The following HDAC4 variants were observed in gnomAD, a reference collection of about 807,000 sequenced individuals.
HDAC4 encodes histone deacetylase A.
A neutral mutation model predicts 135.1 loss-of-function variants in HDAC4; 16 were observed. The observed-to-expected ratio is 0.12, with a 90% CI of 0.08 to 0.18. The LOEUF (loss-of-function observed/expected upper bound fraction) is 0.18, where lower values mean the gene tolerates loss of function less well. Ranked by LOEUF, HDAC4 falls within the 10% of genes least tolerant of loss-of-function variation. HDAC4 has a pLI of 1.00. For synonymous variants in HDAC4, 685 were observed against 653.4 expected (o/e 1.05, Z -0.74); for missense variants, 1,143 against 1,511.8 (o/e 0.76, Z 4.05).
chr2:239,158,753 C>A (rs1031430837), intron 6 of HDAC4, among the ~76,000 whole-genome samples: 24 of 152,064 alleles, frequency 1.6e-4, no homozygotes, highest in African/African-American at 5.8e-4. Flanking sequence ...CAGGAGAGGG[C>A]GGCCCTCACC....
rs1256799738 is a variant in HDAC4 at position 239,139,840 on chromosome 2, G to C, written c.866-44C>G. ...CCTGGTGAGTGTTACTCCATGCGGA[G>C]GGAGGGCCGTGCTGACCTGTGGCCC... On this transcript the variant is annotated intron_variant, in intron 8 of 26. Coordinates refer to ENST00000543185, the MANE Select transcript of HDAC4 (RefSeq NM_001378414.1). This position sits in a 1 kb window ranked among gnomAD's most constrained non-coding sequence, Gnocchi z 5.3. 1 of 1,554,740 alleles carries C rather than the reference G, an allele frequency of 6.4e-7. No homozygotes were observed. Among genetic ancestry groups the C allele is most frequent in the Non-Finnish European group, 8.9e-7 (1 of 1,127,178 alleles).
In HDAC4 at chr2:239,349,796, G is replaced by A. The variant is rs1444944584; in HGVS notation, c.22+2882C>T. ...AGAGGAGGCAGCCAGCAGACTTCAG[G>A]CCCCAGGCAAACCACCTCAGCTGTA... On this transcript the variant is annotated intron_variant, in intron 2 of 26. Coordinates refer to ENST00000543185, the MANE Select transcript of HDAC4 (RefSeq NM_001378414.1). The surrounding 1 kb of genome is among the most constrained non-coding windows in gnomAD (Gnocchi z 5.7). Among the ~76,000 whole-genome samples the A allele has an allele frequency of 6.6e-6, 1 of 152,212 alleles. No homozygotes were observed. The highest frequency in any genetic ancestry group is 2.4e-5 in the African/African-American group (1 of 41,442).
chr2:239,325,919 T>C (rs542462916), intron 2 of HDAC4, among the ~76,000 whole-genome samples: 287 of 152,116 alleles, frequency 1.9e-3, no homozygotes, highest in Middle Eastern at 3.4e-3. Flanking sequence ...GAAGCCGAGA[T>C]TGTACCACTG....
In HDAC4 at chr2:239,107,890, G is replaced by A. The variant is rs1344715833; in HGVS notation, c.2112+160C>T. 2.0e-5 allele frequency among the ~76,000 whole-genome samples: 3 copies of A among 152,328 alleles called. No homozygotes were observed. The highest frequency in any genetic ancestry group is 1.9e-4 in the East Asian group (1 of 5,176). Reference sequence around the variant, plus strand: ...CGGGCTTCTCAGCAGATAGCTGCCCGCCCAAATGCAGACAGTGAAGATGCT... The same window carrying A: ...CGGGCTTCTCAGCAGATAGCTGCCCACCCAAATGCAGACAGTGAAGATGCT... On this transcript the variant is annotated intron_variant, in intron 15 of 26. Coordinates refer to ENST00000543185, the MANE Select transcript of HDAC4 (RefSeq NM_001378414.1).
In HDAC4 at chr2:239,073,990, C is replaced by A. The variant is rs375836601; in HGVS notation, c.2751-5383G>T. Among the ~76,000 whole-genome samples, 46 of 147,594 alleles carry A rather than the reference C, an allele frequency of 3.1e-4. No individual in the cohort carries two copies. The South Asian group carries it at 0.01, about 32-fold the overall frequency. ...AGGGGGGCCGCAGGACTGAGGGGGC[C>A]GCAGGACTGAGGGGGGCAGCAGGAC... On this transcript the variant is annotated intron_variant, in intron 22 of 26. Coordinates refer to ENST00000543185, the MANE Select transcript of HDAC4 (RefSeq NM_001378414.1).
chr2:239,181,834 G>A (rs763549245), intron 4 of HDAC4, among the ~76,000 whole-genome samples: 3 of 152,228 alleles, frequency 2.0e-5, no homozygotes, highest in Non-Finnish European at 2.9e-5. Flanking sequence ...ACACTCAGAA[G>A]AGCTGGTCTG....
At chr2:239,237,211 T>C (rs1484101793) in intron 2 of HDAC4, among the ~76,000 whole-genome samples, 1 of 152,114 alleles carries the variant, frequency 6.6e-6, no homozygotes, top group Non-Finnish European at 1.5e-5. Flanking sequence ...AATCCATTTT[T>C]AGACTGTATT....
At chr2:239,124,336 G>A (rs1161094778) in intron 12 of HDAC4, among the ~76,000 whole-genome samples, 3 of 152,200 alleles carry the variant, frequency 2.0e-5, no homozygotes, top group South Asian at 2.1e-4. Context: ...TGGCTCCCAC[G>A]AGTCTGTGTC....
At chr2:239,111,824 T>G in intron 13 of HDAC4, 112 bp from the exon 14 acceptor site, 1 of 1,005,344 alleles carries the variant, frequency 9.9e-7, no homozygotes, top group South Asian at 1.4e-5. Flanking sequence ...AGGCCATACA[T>G]GGGCCACAAG....
At chr2:239,182,779 C>G (rs1313404708) in intron 4 of HDAC4, among the ~76,000 whole-genome samples, 2 of 152,168 alleles carry the variant, frequency 1.3e-5, no homozygotes, top group Non-Finnish European at 2.9e-5. Context: ...GACCCTCTGC[C>G]CTCGGCATGC....
intron 2 of HDAC4, among the ~76,000 whole-genome samples, chr2:239,337,799 C>T (rs964078456): frequency 2.0e-5 from 3 of 152,164 alleles, no homozygotes; most frequent in African/African-American, 4.8e-5. Flanking sequence ...CAACCGGCTT[C>T]GGCTGAGATC....
intron 2 of HDAC4, among the ~76,000 whole-genome samples, chr2:239,290,720 G>A (rs1015673594): frequency 5.9e-5 from 9 of 151,734 alleles, no homozygotes; most frequent in African/African-American, 1.7e-4. Context: ...ACTCACATAC[G>A]CACTCACGTA....
intron 2 of HDAC4, among the ~76,000 whole-genome samples, chr2:239,260,561 A>G (rs1671919430): frequency 6.6e-6 from 1 of 151,808 alleles, no homozygotes; most frequent in South Asian, 2.1e-4. Context: ...CAATCCCAAC[A>G]CTGTAGCCTC....
At chr2:239,096,486 C>A (rs2037069040) in intron 16 of HDAC4, among the ~76,000 whole-genome samples, 2 of 116,224 alleles carry the variant, frequency 1.7e-5, no homozygotes, top group Admixed American at 8.5e-5. Context: ...GATGCCCGCC[C>A]CCCGCCCCGC....
chr2:239,087,257 GT>G lies in HDAC4; in HGVS notation c.2444+301del, dbSNP rs139501198. 6.8e-3 allele frequency among the ~76,000 whole-genome samples: 1,039 copies of G among 152,332 alleles called. 15 individuals are homozygous for G. The highest frequency in any genetic ancestry group is 0.023 in the African/African-American group (974 of 41,576). ...AGTGACTCACTTGAGGGTGAGTGGTGTTTCCTCTCCCAAGTGTTGACAACTA... is the reference window on the plus strand; with the variant it reads ...AGTGACTCACTTGAGGGTGAGTGGTGTTCCTCTCCCAAGTGTTGACAACTA... On this transcript the variant is annotated intron_variant, in intron 19 of 26. Coordinates refer to ENST00000543185, the MANE Select transcript of HDAC4 (RefSeq NM_001378414.1).
intron 2 of HDAC4, among the ~76,000 whole-genome samples, chr2:239,282,885 C>T (rs1163103653): frequency 6.6e-6 from 1 of 151,724 alleles, no homozygotes; most frequent in African/African-American, 2.4e-5. Flanking sequence ...CATGTACATA[C>T]CACTCTACAA....
chr2:239,365,070 G>A (rs150275532), intron 1 of HDAC4, among the ~76,000 whole-genome samples: 6 of 152,152 alleles, frequency 3.9e-5, no homozygotes, highest in Admixed American at 2.6e-4. Context: ...TTGAATTTAG[G>A]GTAATTAAAA....
chr2:239,375,424 C>T (rs910520352), intron 1 of HDAC4, among the ~76,000 whole-genome samples: 5 of 152,070 alleles, frequency 3.3e-5, no homozygotes, highest in Non-Finnish European at 5.9e-5. Flanking sequence ...TGGTGGCCCA[C>T]GGCCAGCCCA....
Position 239,115,144 on chromosome 2 carries a change from G to A in HDAC4, c.1700C>T (p.Pro567Leu). ...AQAGVQVKQE[P>L]IESDEEEAEP... ...TGCCTCTTCCTCATCGCTCTCAATGGGCTCCTGCTTCACCTGCACGCCGGC... is the reference window on the plus strand; with the variant it reads ...TGCCTCTTCCTCATCGCTCTCAATGAGCTCCTGCTTCACCTGCACGCCGGC... The change falls in exon 13 of 27, where the codon CCC (proline) becomes CTC (leucine). Residue 567 changes from proline (P) to leucine (L), a missense_variant. This residue lies in a region of HDAC4 where 196 missense variants were observed against 210.7 expected (regional missense o/e 0.93). Transcript: ENST00000543185. This position sits in a 1 kb window ranked among gnomAD's most constrained non-coding sequence, Gnocchi z 6.3. 1 of 1,611,730 alleles carries A rather than the reference G, an allele frequency of 6.2e-7. No homozygotes were observed. The highest frequency in any genetic ancestry group is 8.5e-7 in the Non-Finnish European group (1 of 1,179,946).
Sources: gnomAD v4.1 joint callset for allele counts (sites outside exome capture counted in the v4.1 genomes callset) on GRCh38, gnomAD v4.1.1 for gene constraint, gnomAD v4.1.1 regional missense constraint, Gnocchi (gnomAD v3.1) non-coding constraint, MANE v1.5 for transcripts, NCBI Gene and HGNC (gene_info 2026-07-23, HGNC 2026-07-21) for gene names.